STARD9: variants seen among roughly 807,000 people sequenced by gnomAD.
The protein encoded by STARD9 is StAR related lipid transfer domain containing 9, also known as stAR-related lipid transfer protein 9.
A neutral mutation model predicts 399.8 loss-of-function variants in STARD9; 346 were observed. That is an observed-to-expected ratio of 0.87 (90% CI 0.79 to 0.95). The LOEUF is 0.95. Ranked by LOEUF, STARD9 falls within the 40% of genes least tolerant of loss-of-function variation. The pLI is 0.00. For missense variants in STARD9, 5,832 were observed against 5,667.5 expected (o/e 1.03, Z -0.93); for synonymous variants, 2,203 against 2,143.5 (o/e 1.03, Z -0.77).
At chr15:42,665,714 CAAGTGT>C (rs2060087167) in intron 14 of STARD9, 66 bp from the exon 15 acceptor site, 21 of 1,231,234 alleles carry the variant, frequency 1.7e-5, no homozygotes, top group Non-Finnish European at 2.3e-5. Flanking sequence ...TCCTCCTCCA[CAAGTGT>C]AAGGGTGGGA....
Position 42,719,721 on chromosome 15 carries a change from C to A in STARD9, c.*147C>A. ...GCCGATTGGGGCAGACAGCACTGGC[C>A]CAGGGATGCTAGCAAAGCCCAGTCA... is the stretch of plus-strand genomic sequence containing the variant. On this transcript the variant is annotated 3_prime_UTR_variant, in exon 33 of 33. Coordinates refer to ENST00000290607, the MANE Select transcript of STARD9 (RefSeq NM_020759.3). 1.6e-6 allele frequency: 1 copy of A among 610,412 alleles called. No homozygotes were observed. The highest frequency in any genetic ancestry group is 2.9e-6 in the Non-Finnish European group (1 of 346,506). 37.8% of individuals were successfully genotyped at this position (610,412 alleles called of 1,614,324 possible). A position where few individuals can be genotyped will look rare whatever the true frequency, so the allele number is the denominator to read the frequency against.
intron 26 of STARD9, among the ~76,000 whole-genome samples, chr15:42,701,344 A>G (rs1386653648): frequency 1.3e-5 from 2 of 152,228 alleles, no homozygotes; most frequent in African/African-American, 4.8e-5. Context: ...TGATATGGAC[A>G]TTTTAACAAT....
chr15:42,686,595 G>T lies in STARD9; in HGVS notation c.5017G>T (p.Ala1673Ser), dbSNP rs763649628. The change falls in exon 23 of 33, where the codon GCT becomes TCT. Residue 1673 changes from alanine (A) to serine (S), a missense_variant. Transcript: ENST00000290607. ...AGCAGACCATTGGTCCCAAGGCTGG[G>T]CTCCTCTCAGGAAAAATAGTGCAGT... ...TKADHWSQGWAPLRKNSAVQP... is the reference protein window; with the variant it reads ...TKADHWSQGWSPLRKNSAVQP... The T allele has an allele frequency of 1.3e-6, 2 of 1,537,354 alleles. No homozygotes were observed. Among genetic ancestry groups the T allele is most frequent in the Non-Finnish European group, 1.7e-6 (2 of 1,146,986 alleles).
intron 16 of STARD9, chr15:42,673,821 T>G: frequency 2.4e-6 from 1 of 422,732 alleles, no homozygotes; most frequent in South Asian, 1.7e-5. Context: ...ATCCACTGAT[T>G]CATTTGTACT....
chr15:42,579,794 C>G (rs1411398572), intron 1 of STARD9, among the ~76,000 whole-genome samples: 1 of 152,072 alleles, frequency 6.6e-6, no homozygotes, highest in East Asian at 1.9e-4. Flanking sequence ...CTGAGAACAA[C>G]TATCACAATG....
chr15:42,674,726 T>G, intron 17 of STARD9, 101 bp from the exon 18 acceptor site: 2 of 1,422,710 alleles, frequency 1.4e-6, no homozygotes, highest in Admixed American at 2.6e-5. Context: ...TATTATGGTA[T>G]GAGGTCTTCC....
rs1034996981 is a variant in STARD9, at chr15:42,682,331, C to T, written c.2293C>T (p.Arg765Trp). ...TLRAAERNVR[R>W]KKVSFQLERI... ...TCGGGCAGCAGAGCGGAATGTCCGG[C>T]GGAAAAAGGTCTCATTCCAGCTAGA... Residue 765 changes from arginine to tryptophan, a missense_variant, in exon 22 of 33, where the codon CGG (arginine) becomes TGG (tryptophan). Transcript: ENST00000290607. 35 of 1,537,086 alleles carry T rather than the reference C, an allele frequency of 2.3e-5. No individual in the cohort carries two copies. Among genetic ancestry groups the T allele is most frequent in the Non-Finnish European group, 2.7e-5 (31 of 1,146,896 alleles).
intron 3 of STARD9, among the ~76,000 whole-genome samples, chr15:42,600,073 A>G (rs2058591621): frequency 6.6e-6 from 1 of 152,134 alleles, no homozygotes; most frequent in Non-Finnish European, 1.5e-5. Context: ...GTCTGGGTGA[A>G]ACTAAGAGGA....
chr15:42,648,733 T>C (rs1044510139), intron 7 of STARD9, among the ~76,000 whole-genome samples: 2 of 152,082 alleles, frequency 1.3e-5, no homozygotes, highest in African/African-American at 2.4e-5. Context: ...TTTGGAAAGT[T>C]CTTAGCCATT....
At chr15:42,598,000 A>AAGTGTGTGTG (rs1555388917) in intron 3 of STARD9, among the ~76,000 whole-genome samples, 1 of 115,110 alleles carries the variant, frequency 8.7e-6, no homozygotes, top group Non-Finnish European at 1.7e-5. Flanking sequence ...GTATATATAT[A>AAGTGTGTGTG]TGTGTGTGTG....
At chr15:42,669,603 C>G in intron 16 of STARD9, 1 of 325,940 alleles carries the variant, frequency 3.1e-6, no homozygotes, top group East Asian at 4.8e-5. Context: ...CTTTTGTTCT[C>G]TTTGCCTTAA....
chr15:42,681,077 G>A lies in STARD9; in HGVS notation c.1875-345G>A, dbSNP rs549260871. Among the ~76,000 whole-genome samples, 461 of 152,202 alleles carry A rather than the reference G, an allele frequency of 3.0e-3. 1 individual carries two copies. The highest frequency in any genetic ancestry group is 5.2e-3 in the South Asian group (25 of 4,824). The stretch of plus-strand genomic sequence containing the variant: ...ACATATTTTTAGCAGACACCTTTTT[G>A]TTCTTTTTAAAGGACCAAACTTCTG... On this transcript the variant is annotated intron_variant, in intron 20 of 32. Transcript: ENST00000290607.
chr15:42,622,350 C>T (rs201577267), intron 3 of STARD9, among the ~76,000 whole-genome samples: 2 of 148,988 alleles, frequency 1.3e-5, no homozygotes, highest in African/African-American at 2.5e-5. Flanking sequence ...TCTCTCTCTC[C>T]CTCTCTCTCT....
At chr15:42,665,089 G>C (rs748457096) in intron 13 of STARD9, among the ~76,000 whole-genome samples, 164 bp from the exon 14 acceptor site, 35 of 152,118 alleles carry the variant, frequency 2.3e-4, no homozygotes, top group Non-Finnish European at 4.3e-4. Flanking sequence ...CAAGTTCTTA[G>C]GTGAAGTGGG....
rs571083630 is a variant in STARD9, at chr15:42,695,197, G to T, written c.13020G>T (p.Leu4340=). Residue 4340 remains leucine, a synonymous_variant, in exon 25 of 33, where the codon CTG becomes CTT. Coordinates refer to ENST00000290607, the MANE Select transcript of STARD9 (RefSeq NM_020759.3). ...AHTPSDIELM[L]QDYQQAHEEA... Reference sequence around the variant, plus strand: ...CACCCTCTGACATAGAGTTGATGCTGCAAGACTACCAGCAGGCCCATGAGG... The same window carrying T: ...CACCCTCTGACATAGAGTTGATGCTTCAAGACTACCAGCAGGCCCATGAGG... 4 of 1,537,186 alleles carry T rather than the reference G, an allele frequency of 2.6e-6. No homozygotes were observed. Among genetic ancestry groups the T allele is most frequent in the Middle Eastern group, 1.7e-4 (1 of 5,984 alleles).
In STARD9 at chr15:42,691,242, G is replaced by T; in HGVS notation, c.9664G>T (p.Gly3222Cys). ...GCAGCACAGAGACCAGGCTTCAGGT[G>T]GTGGAGAAGGCTTCGCCCAGGGTGT... Reference protein sequence around the residue: ...EEQHRDQASGGGEGFAQGVNP... With the variant: ...EEQHRDQASGCGEGFAQGVNP... Residue 3222 changes from glycine (G) to cysteine (C), a missense_variant, in exon 23 of 33, where the codon GGT (glycine) becomes TGT (cysteine). Around this residue, in one of 2 missense-constraint regions of STARD9, gnomAD observed 5,828 missense variants for 5,651.1 expected, o/e 1.03. Transcript: ENST00000290607. The T allele has an allele frequency of 1.3e-6, 2 of 1,537,256 alleles. No individual in the cohort carries two copies. The highest frequency in any genetic ancestry group is 8.7e-7 in the Non-Finnish European group (1 of 1,146,908).
chr15:42,644,241 C>A (rs984437872), intron 7 of STARD9, among the ~76,000 whole-genome samples: 1 of 152,182 alleles, frequency 6.6e-6, no homozygotes, highest in Non-Finnish European at 1.5e-5. Flanking sequence ...CGCCTGTAAT[C>A]CCAGCACTTT....
At position 42,583,385 on chromosome 15, in the gene STARD9, T is replaced by C; in HGVS notation, c.87T>C (p.Asp29=). 7 of 1,537,164 alleles carry C rather than the reference T, an allele frequency of 4.6e-6. No homozygotes were observed. The highest frequency in any genetic ancestry group is 3.3e-4 in the Middle Eastern group (2 of 5,992). ...KEGGRIIVEV[D]GKVAKIRNLK... ...GGGGAAGAATTATTGTGGAAGTTGATGGCAAAGTGGCAAAAATCAGGAATT... is the reference window on the plus strand; with the variant it reads ...GGGGAAGAATTATTGTGGAAGTTGACGGCAAAGTGGCAAAAATCAGGAATT... The change falls in exon 2 of 33, where the codon GAT becomes GAC. Residue 29 remains aspartate (D), a synonymous_variant. Coordinates refer to ENST00000290607, the MANE Select transcript of STARD9 (RefSeq NM_020759.3).
chr15:42,674,110 C>T (rs2060260766), intron 16 of STARD9: 1 of 439,742 alleles, frequency 2.3e-6, no homozygotes, highest in Admixed American at 2.8e-5. Flanking sequence ...ATTTTTCTGA[C>T]CAATGGCTGT....
Sources: gnomAD v4.1 joint callset for allele counts (sites outside exome capture counted in the v4.1 genomes callset) on GRCh38, gnomAD v4.1.1 for gene constraint, gnomAD v4.1.1 regional missense constraint, MANE v1.5 for transcripts, NCBI Gene and HGNC (gene_info 2026-07-23, HGNC 2026-07-21) for gene names.